Variants in DESI2 observed in about 807,000 individuals in gnomAD.
DESI2 encodes desumoylating isopeptidase 2.
In DESI2, 10 loss-of-function variants were observed where a neutral mutation model predicts 24.1. The ratio of observed to expected loss-of-function variants is 0.41; its 90% CI spans 0.26 to 0.70. The LOEUF (loss-of-function observed/expected upper bound fraction) is 0.70, where lower values mean the gene tolerates loss of function less well. Ranked by LOEUF, DESI2 falls within the 30% of genes least tolerant of loss-of-function variation. The probability of loss-of-function intolerance (pLI) is 0.29; values close to 1 mark genes in which losing one functional copy is unlikely to be tolerated. For synonymous variants in DESI2, 71 were observed against 87.7 expected, an observed-to-expected ratio of 0.81 and a Z score of 1.06; for missense variants, 122 against 234.9, an observed-to-expected ratio of 0.52 and a Z score of 3.14.
intron 4 of DESI2, among the ~76,000 whole-genome samples, chr1:244,694,880 G>A (rs1476922648): frequency 6.6e-6 from 1 of 152,198 alleles, no homozygotes; most frequent in African/African-American, 2.4e-5. Context: ...AATATTTATT[G>A]TTTGACCTTT....
chr1:244,686,230 A>T (rs1676813222), intron 1 of DESI2, among the ~76,000 whole-genome samples: 1 of 151,432 alleles, frequency 6.6e-6, no homozygotes, highest in South Asian at 2.1e-4. Flanking sequence ...ATAGGAGAAA[A>T]ATAGATATGA....
chr1:244,662,462 G>C (rs1056604370), intron 1 of DESI2, among the ~76,000 whole-genome samples: 4 of 151,960 alleles, frequency 2.6e-5, no homozygotes, highest in Admixed American at 2.6e-4. Context: ...AATTAACTTG[G>C]GAAGAACTGA....
At chr1:244,678,514 C>T (rs931673339) in intron 1 of DESI2, among the ~76,000 whole-genome samples, 41 of 152,216 alleles carry the variant, frequency 2.7e-4, no homozygotes, top group African/African-American at 9.9e-4. Context: ...CAAAAGTCAA[C>T]ATTCGGGCAT....
chr1:244,668,862 CA>C (rs532914625), intron 1 of DESI2, among the ~76,000 whole-genome samples: 2 of 152,112 alleles, frequency 1.3e-5, no homozygotes, highest in African/African-American at 2.4e-5. Flanking sequence ...TCCATTGAGG[CA>C]AGATTGAGCC....
At position 244,666,416 on chromosome 1, in the gene DESI2, A is replaced by G. The variant is rs1471010413; in HGVS notation, c.42+13061A>G. Among the ~76,000 whole-genome samples the G allele has an allele frequency of 3.3e-5, 5 of 152,070 alleles. 1 individual carries two copies. The highest frequency in any genetic ancestry group is 6.6e-5 in the Admixed American group (1 of 15,258). On this transcript the variant is annotated intron_variant, in intron 1 of 4. Coordinates refer to ENST00000302550, the MANE Select transcript of DESI2 (RefSeq NM_016076.5). ...TCAGTTTTTTTTTACTTTCTACTCT[A>G]TCACTCCAATCAGTGAATGAATATG...
intron 4 of DESI2, among the ~76,000 whole-genome samples, chr1:244,701,940 CTTT>C (rs1159888118): frequency 6.6e-6 from 1 of 152,132 alleles, no homozygotes; most frequent in East Asian, 1.9e-4. Context: ...GTACATACAT[CTTT>C]TTATTTTTAC....
intron 1 of DESI2, among the ~76,000 whole-genome samples, chr1:244,674,720 C>T (rs1028039899): frequency 2.6e-5 from 4 of 152,152 alleles, no homozygotes; most frequent in Non-Finnish European, 4.4e-5. Flanking sequence ...AATCATATTG[C>T]GTTTCATGGA....
intron 1 of DESI2, among the ~76,000 whole-genome samples, chr1:244,659,335 T>G (rs114775914): frequency 1.8e-4 from 28 of 152,188 alleles, no homozygotes; most frequent in African/African-American, 5.8e-4. Flanking sequence ...CTCACACTTA[T>G]GTAAATCAGA....
chr1:244,697,586 C>G (rs1362543177), intron 4 of DESI2, among the ~76,000 whole-genome samples: 2 of 151,828 alleles, frequency 1.3e-5, no homozygotes, highest in Non-Finnish European at 2.9e-5. Context: ...GAAATAGCAG[C>G]TGAGCTGTTG....
At position 244,677,519 on chromosome 1, in the gene DESI2, T is replaced by C. The variant is rs183418662; in HGVS notation, c.43-9078T>C. On this transcript the variant is annotated intron_variant, in intron 1 of 4. Coordinates refer to ENST00000302550, the MANE Select transcript of DESI2 (RefSeq NM_016076.5). ...GGAAATGTGAAAAACAAAGAACTAC[T>C]GAGTTCATCATTATTATTGCTAACA... 2.9e-3 allele frequency among the ~76,000 whole-genome samples: 449 copies of C among 152,350 alleles called. 10 individuals carry two copies. The highest frequency in any genetic ancestry group is 1.5e-3 in the Non-Finnish European group (101 of 68,034).
chr1:244,705,990 CCT>C lies in DESI2; in HGVS notation c.*204_*205del, dbSNP rs541494867. ...GAGGGAGAACTTTGTAAGAAGCTGC[CCT>C]CTGTTTTTTTTATCCACTCGTAAAT... On this transcript the variant is annotated 3_prime_UTR_variant, in exon 5 of 5. Transcript: ENST00000302550. 253 of 559,162 alleles carry C rather than the reference CCT, an allele frequency of 4.5e-4. No individual in the cohort carries two copies. The highest frequency in any genetic ancestry group is 4.2e-3 in the African/African-American group (224 of 52,842). 34.6% of individuals were successfully genotyped at this position (559,162 alleles called of 1,614,324 possible).
intron 1 of DESI2, 103 bp downstream of exon 1, chr1:244,653,458 G>T: frequency 8.1e-7 from 1 of 1,235,002 alleles, no homozygotes; most frequent in Non-Finnish European, 1.1e-6. Context: ...TGGCGTCTCC[G>T]CCTCCAGCCT....
chr1:244,660,936 C>T (rs1675819265), intron 1 of DESI2, among the ~76,000 whole-genome samples: 1 of 152,096 alleles, frequency 6.6e-6, no homozygotes, highest in African/African-American at 2.4e-5. Flanking sequence ...TACTATTATT[C>T]CAAAGCTTTA....
chr1:244,671,323 G>A (rs758023293), intron 1 of DESI2, among the ~76,000 whole-genome samples: 36 of 152,144 alleles, frequency 2.4e-4, no homozygotes, highest in Non-Finnish European at 4.4e-4. Flanking sequence ...GATGTGGTTC[G>A]AATGTTCTGT....
intron 4 of DESI2, among the ~76,000 whole-genome samples, chr1:244,700,945 T>C (rs1049446794): frequency 1.3e-5 from 2 of 152,226 alleles, no homozygotes; most frequent in African/African-American, 4.8e-5. Flanking sequence ...TTACAGTTAA[T>C]TGGAATTTAT....
intron 4 of DESI2, among the ~76,000 whole-genome samples, chr1:244,705,337 C>A (rs186277539): frequency 1.4e-3 from 212 of 152,204 alleles, no homozygotes; most frequent in Middle Eastern, 3.4e-3. Flanking sequence ...AGCAACTTGA[C>A]AAGGTTCTTT....
intron 4 of DESI2, among the ~76,000 whole-genome samples, chr1:244,701,052 A>G (rs1026478905): frequency 6.6e-6 from 1 of 152,178 alleles, no homozygotes; most frequent in Non-Finnish European, 1.5e-5. Context: ...GAGAACAACA[A>G]TAGAGGGAAG....
chr1:244,693,432 GTTC>G, intron 4 of DESI2, among the ~76,000 whole-genome samples: 1 of 141,700 alleles, frequency 7.1e-6, no homozygotes, highest in Middle Eastern at 3.6e-3. Context: ...TGAATTGTTT[GTTC>G]TTTTTTTTTT....
At chr1:244,655,858 T>G (rs1305031079) in intron 1 of DESI2, among the ~76,000 whole-genome samples, 1 of 152,190 alleles carries the variant, frequency 6.6e-6, no homozygotes, top group East Asian at 1.9e-4. Context: ...AAAGTTTGAT[T>G]AGAACTTCTT....
Sources: gnomAD v4.1 joint callset for allele counts (sites outside exome capture counted in the v4.1 genomes callset) on GRCh38, gnomAD v4.1.1 for gene constraint, MANE v1.5 for transcripts, NCBI Gene and HGNC (gene_info 2026-07-23, HGNC 2026-07-21) for gene names.